The following SNX8 variants were observed in gnomAD, a reference collection of about 807,000 sequenced individuals.
SNX8 encodes the protein sorting nexin 8, also known as sorting nexin-8.
A neutral mutation model predicts 51.6 loss-of-function variants in SNX8; 25 were observed. The ratio of observed to expected loss-of-function variants is 0.48; its 90% CI spans 0.35 to 0.68. The LOEUF is 0.68. Ranked by LOEUF, SNX8 falls within the 30% of genes least tolerant of loss-of-function variation. The probability of loss-of-function intolerance (pLI) is 0.00; values close to 1 mark genes in which losing one functional copy is unlikely to be tolerated. For missense variants in SNX8, 695 were observed against 624.0 expected, an observed-to-expected ratio of 1.11 and a Z score of -1.21; for synonymous variants, 324 against 277.0, an observed-to-expected ratio of 1.17 and a Z score of -1.68.
rs573932445 is a variant in SNX8, at chr7:2,352,475, T to G, written c.-66+1747A>C. Among the ~76,000 whole-genome samples, 7 of 152,296 alleles carry G rather than the reference T, an allele frequency of 4.6e-5. No homozygotes were observed. The East Asian group carries it at 1.2e-3, about 25-fold the overall frequency. ...TAACTTTTATGACAATATATTGTTATAATTGTTCTATTAGTTATTGCTGTT... is the reference window on the plus strand; with the variant it reads ...TAACTTTTATGACAATATATTGTTAGAATTGTTCTATTAGTTATTGCTGTT... On this transcript the variant is annotated intron_variant, in intron 1 of 5. Coordinates refer to the SNX8 transcript ENST00000435336.
At chr7:2,324,117 A>G (rs1778586098) in intron 1 of SNX8, among the ~76,000 whole-genome samples, 1 of 151,200 alleles carries the variant, frequency 6.6e-6, no homozygotes, top group Non-Finnish European at 1.5e-5. Context: ...GCAAGACTCC[A>G]TCTCAAAAAA....
intron 1 of SNX8, among the ~76,000 whole-genome samples, chr7:2,303,785 T>C (rs1796474436): frequency 2.6e-5 from 4 of 152,050 alleles, no homozygotes; most frequent in Middle Eastern, 3.4e-3. Context: ...CACCACTCCC[T>C]AATCTCAAGT....
intron 1 of SNX8, among the ~76,000 whole-genome samples, chr7:2,293,828 T>C (rs1019231007): frequency 3.4e-5 from 5 of 148,024 alleles, no homozygotes; most frequent in Non-Finnish European, 7.4e-5. Flanking sequence ...CTGGGTGTGG[T>C]GGTGCGTGCC....
In SNX8 at chr7:2,271,796, C is replaced by T. The variant is rs535198826; in HGVS notation, c.540+54G>A. 4.6e-5 allele frequency: 71 copies of T among 1,551,296 alleles called. No homozygotes were observed. The East Asian group carries it at 1.4e-3, about 31-fold the overall frequency. ...CACCTGAGAGAGGAAAAGGCGGGTC[C>T]GGAGGCTCGGGGACTCCCCGGGGCC... is the stretch of plus-strand genomic sequence containing the variant. On this transcript the variant is annotated intron_variant, in intron 4 of 10. Transcript: ENST00000222990.
rs955678140 is a variant in SNX8, at chr7:2,270,583, A to AC, written c.541-945dup. On this transcript the variant is annotated intron_variant, in intron 4 of 10. Coordinates refer to ENST00000222990, the MANE Select transcript of SNX8 (RefSeq NM_013321.4). ...ATATTGCCCACCTGTGACCCACTGC[A>AC]CCCCTGCCCACCGCCCCTCCCAGGT... Among the ~76,000 whole-genome samples, 144 of 151,940 alleles carry AC rather than the reference A, an allele frequency of 9.5e-4. 1 individual carries two copies. Among genetic ancestry groups the AC allele is most frequent in the African/African-American group, 3.3e-3 (136 of 41,424 alleles).
chr7:2,264,578 C>G, intron 5 of SNX8, 120 bp from the exon 6 acceptor site: 1 of 876,302 alleles, frequency 1.1e-6, no homozygotes, highest in Non-Finnish European at 1.7e-6. Context: ...TGAGCCACCC[C>G]GGGAGCCCCA....
intron 1 of SNX8, among the ~76,000 whole-genome samples, chr7:2,333,203 C>T (rs893435062): frequency 2.6e-5 from 4 of 151,844 alleles, no homozygotes; most frequent in African/African-American, 7.3e-5. Context: ...TGTGAACCAC[C>T]GTACCCAGCC....
chr7:2,265,307 C>A (rs777250499), intron 5 of SNX8, among the ~76,000 whole-genome samples: 1 of 151,930 alleles, frequency 6.6e-6, no homozygotes, highest in East Asian at 1.9e-4. Context: ...ACCACTGCAC[C>A]CCAGCCTGGG....
At chr7:2,297,450 T>G (rs1796296586) in intron 1 of SNX8, among the ~76,000 whole-genome samples, 1 of 143,760 alleles carries the variant, frequency 7.0e-6, no homozygotes, top group Non-Finnish European at 1.5e-5. Context: ...TTTGGGAGGC[T>G]GAGGCAGGAG....
intron 3 of SNX8, among the ~76,000 whole-genome samples, chr7:2,273,077 G>A (rs1448984401): frequency 2.0e-5 from 3 of 151,486 alleles, no homozygotes; most frequent in Non-Finnish European, 2.9e-5. Flanking sequence ...CAGGTGATCC[G>A]CCCACCTCAG....
intron 1 of SNX8, chr7:2,309,819 C>T (rs1427714678): frequency 2.1e-6 from 1 of 471,036 alleles, no homozygotes; most frequent in Non-Finnish European, 4.4e-6. Context: ...CATGAGCGAG[C>T]AGCTGCAGGT....
chr7:2,299,513 G>A (rs1269447188), intron 1 of SNX8: 1 of 152,124 alleles, frequency 6.6e-6, no homozygotes, highest in African/African-American at 2.4e-5. Flanking sequence ...TTTCGGGAAT[G>A]TTTATCTGAG....
rs1395858088 is a variant in SNX8, at chr7:2,254,280, G to C, written c.*776C>G. On this transcript the variant is annotated 3_prime_UTR_variant, in exon 11 of 11. Coordinates refer to ENST00000222990, the MANE Select transcript of SNX8 (RefSeq NM_013321.4). ...TCCTCTGCCAGCCCATCCAGCCTCA[G>C]TGCCACACGGTGCAGACCCCAACAC... 6.5e-6 allele frequency: 1 copy of C among 153,012 alleles called. No homozygotes were observed. Among genetic ancestry groups the C allele is most frequent in the Non-Finnish European group, 1.5e-5 (1 of 68,680 alleles). The allele number at this position is 153,012 out of a possible 1,614,324, so 9.5% of individuals were successfully genotyped here.
intron 1 of SNX8, among the ~76,000 whole-genome samples, chr7:2,289,949 T>C (rs1422361558): frequency 6.6e-6 from 1 of 152,098 alleles, no homozygotes. Flanking sequence ...TGCCAACACT[T>C]TGGGAGGCTG....
intron 5 of SNX8, among the ~76,000 whole-genome samples, chr7:2,267,925 G>GGCCA (rs1795513689): frequency 8.9e-6 from 1 of 111,830 alleles, no homozygotes; most frequent in Non-Finnish European, 1.9e-5. Context: ...CTGCCCGGCC[G>GGCCA]CCCATAGTCT....
chr7:2,354,230 A>T (rs1350860741), exon 1 of SNX8: 1 of 152,306 alleles, frequency 6.6e-6, no homozygotes, highest in Non-Finnish European at 1.5e-5. Flanking sequence ...ACATTTTTGT[A>T]TCGCGCCAGG....
intron 1 of SNX8, among the ~76,000 whole-genome samples, chr7:2,294,975 G>C (rs925511849): frequency 2.6e-5 from 4 of 152,112 alleles, no homozygotes; most frequent in Non-Finnish European, 5.9e-5. Context: ...AGGCTACAGT[G>C]AGCTATGATT....
At chr7:2,274,471 A>G (rs1795727331) in intron 3 of SNX8, among the ~76,000 whole-genome samples, 1 of 152,176 alleles carries the variant, frequency 6.6e-6, no homozygotes, top group Admixed American at 6.5e-5. Flanking sequence ...CACCAGTGAG[A>G]TCAGAGCTGG....
Position 2,314,401 on chromosome 7 carries a change from G to T in SNX8, c.21C>A (p.Asp7Glu). MTGRAM[D>E]PLPAAAVGAA... ...CCCCGACTGCAGCCGCGGGCAGCGG[G>T]TCCATCGCGCGGCCAGTCATGTGAG... Residue 7 changes from aspartate (D) to glutamate (E), a missense_variant, in exon 1 of 11, where the codon GAC becomes GAA. By Grantham distance (45) the Asp-to-Glu change is conservative. Transcript: ENST00000222990. The T allele has an allele frequency of 8.2e-7, 1 of 1,219,292 alleles. No individual in the cohort carries two copies. Among genetic ancestry groups the T allele is most frequent in the Non-Finnish European group, 1.0e-6 (1 of 979,616 alleles). The allele number at this position is 1,219,292 out of a possible 1,614,324, so 75.5% of individuals were successfully genotyped here.
Sources: gnomAD v4.1 joint callset for allele counts (sites outside exome capture counted in the v4.1 genomes callset) on GRCh38, gnomAD v4.1.1 for gene constraint, MANE v1.5 for transcripts, NCBI Gene and HGNC (gene_info 2026-07-23, HGNC 2026-07-21) for gene names.